ADAMTS17: variants seen among roughly 807,000 people sequenced by gnomAD.
ADAMTS17 encodes the protein A disintegrin and metalloproteinase with thrombospondin motifs 17.
Under a neutral mutation model 141.5 loss-of-function variants are expected in ADAMTS17, and 113 were observed. The ratio of observed to expected loss-of-function variants is 0.80; its 90% CI spans 0.69 to 0.93. The LOEUF is 0.93. Among genes scored for constraint, ADAMTS17 ranks in the 40% least tolerant of loss-of-function variants. The pLI is 0.00. For synonymous variants in ADAMTS17, 768 were observed against 630.6 expected (o/e 1.22, Z -3.27); for missense variants, 1,659 against 1,517.9 (o/e 1.09, Z -1.54).
intron 14 of ADAMTS17, among the ~76,000 whole-genome samples, chr15:100,097,951 C>A (rs1414150301): frequency 6.6e-6 from 1 of 152,070 alleles, no homozygotes; most frequent in African/African-American, 2.4e-5. Flanking sequence ...TGGACAGATT[C>A]CAGAGAAGAC....
At chr15:100,157,641 T>C (rs12913774) in intron 8 of ADAMTS17, among the ~76,000 whole-genome samples, 7,126 of 152,216 alleles carry the variant, frequency 0.047, 181 homozygotes, top group Middle Eastern at 0.071. Context: ...GGTAAAAATA[T>C]TTATTGAACG....
intron 4 of ADAMTS17, among the ~76,000 whole-genome samples, chr15:100,269,377 A>G (rs4965301): frequency 0.67 from 101,761 of 152,112 alleles, 34,505 homozygotes; most frequent in East Asian, 0.91. Flanking sequence ...TGTCATATGA[A>G]TAAGCTTCTT....
intron 3 of ADAMTS17, among the ~76,000 whole-genome samples, chr15:100,314,260 CA>C (rs1271672816): frequency 6.6e-6 from 1 of 152,100 alleles, no homozygotes; most frequent in Non-Finnish European, 1.5e-5. Flanking sequence ...GATTCTGTAC[CA>C]AGAAAAGAAA....
intron 2 of ADAMTS17, among the ~76,000 whole-genome samples, chr15:100,337,688 G>A (rs929847246): frequency 6.6e-6 from 1 of 152,232 alleles, no homozygotes; most frequent in Non-Finnish European, 1.5e-5. Flanking sequence ...TCCAAGAAAG[G>A]ATGGCCACTG....
At chr15:100,160,014 C>T (rs1417079440) in intron 8 of ADAMTS17, among the ~76,000 whole-genome samples, 2 of 152,026 alleles carry the variant, frequency 1.3e-5, no homozygotes, top group African/African-American at 4.8e-5. Context: ...GGTCACTGCC[C>T]CTCAAATACC....
rs58105548 is a variant in ADAMTS17, at chr15:100,265,684, T to C, written c.790-3249A>G. 5.7e-3 allele frequency among the ~76,000 whole-genome samples: 867 copies of C among 152,240 alleles called. 9 individuals carry two copies. The highest frequency in any genetic ancestry group is 0.024 in the Middle Eastern group (7 of 294). On this transcript the variant is annotated intron_variant, in intron 4 of 21. Transcript: ENST00000268070. ...TTCACAAGGGCACCACCTACCTGTGTGACCCAAGGCCTCCCCCCAGAGCCA... is the reference window on the plus strand; with the variant it reads ...TTCACAAGGGCACCACCTACCTGTGCGACCCAAGGCCTCCCCCCAGAGCCA...
intron 3 of ADAMTS17, among the ~76,000 whole-genome samples, chr15:100,321,316 C>G (rs1437633461): frequency 6.6e-6 from 1 of 152,020 alleles, no homozygotes; most frequent in African/African-American, 2.4e-5. Flanking sequence ...AAAGAAAAAG[C>G]ATGGTATAGT....
At chr15:100,313,464 G>T (rs2045465747) in intron 3 of ADAMTS17, among the ~76,000 whole-genome samples, 1 of 152,174 alleles carries the variant, frequency 6.6e-6, no homozygotes, top group South Asian at 2.1e-4. Flanking sequence ...TGGAAGATTT[G>T]ATACCCATGT....
chr15:100,212,331 G>A (rs138910490), intron 7 of ADAMTS17, among the ~76,000 whole-genome samples: 1 of 152,318 alleles, frequency 6.6e-6, no homozygotes, highest in African/African-American at 2.4e-5. Flanking sequence ...CTCACAGTCA[G>A]GCCCGTGCAT....
At chr15:100,103,573 T>TC (rs1300780583) in intron 14 of ADAMTS17, among the ~76,000 whole-genome samples, 1 of 108,400 alleles carries the variant, frequency 9.2e-6, no homozygotes, top group East Asian at 2.7e-4. Context: ...ATCCAGCCAC[T>TC]CTTTTTTTTT....
intron 20 of ADAMTS17, among the ~76,000 whole-genome samples, chr15:99,989,279 G>A (rs769403884): frequency 6.6e-6 from 1 of 152,188 alleles, no homozygotes; most frequent in Non-Finnish European, 1.5e-5. Flanking sequence ...GCAGTGCTAG[G>A]TGCCCCGACC....
chr15:100,155,133 A>G (rs1451523711), intron 9 of ADAMTS17, 47 bp downstream of exon 9: 2 of 1,613,628 alleles, frequency 1.2e-6, no homozygotes, highest in African/African-American at 1.3e-5. Context: ...TGTCTTTTGG[A>G]AGTACTTTTG....
intron 13 of ADAMTS17, among the ~76,000 whole-genome samples, chr15:100,111,194 C>T (rs767581255): frequency 2.6e-5 from 4 of 152,170 alleles, no homozygotes; most frequent in Non-Finnish European, 5.9e-5. Flanking sequence ...GGGGCACTTC[C>T]GGGGAAAGAC....
At chr15:100,025,417 T>TC (rs1426440491) in intron 18 of ADAMTS17, among the ~76,000 whole-genome samples, 3 of 149,856 alleles carry the variant, frequency 2.0e-5, no homozygotes, top group Non-Finnish European at 4.5e-5. Context: ...TTCTTTTCTT[T>TC]TTTTTTTTTT....
chr15:100,091,362 T>A (rs1001499971), intron 15 of ADAMTS17, among the ~76,000 whole-genome samples: 4 of 152,130 alleles, frequency 2.6e-5, no homozygotes, highest in Admixed American at 2.0e-4. Flanking sequence ...TTGGAGTGAT[T>A]TCCCATTCCA....
Position 100,325,981 on chromosome 15 carries a change from A to T in ADAMTS17, c.616+4908T>A, listed in dbSNP as rs139697919. Among the ~76,000 whole-genome samples the T allele has an allele frequency of 8.9e-3, 1,361 of 152,248 alleles. 72 individuals are homozygous for T. The highest frequency in any genetic ancestry group is 0.081 in the Admixed American group (1,244 of 15,304). ...TGGCCTCCAGAACTATGAATAATAA[A>T]TACCAACAAAACAATAAATTTCGGT... On this transcript the variant is annotated intron_variant, in intron 3 of 21. Coordinates refer to ENST00000268070, the MANE Select transcript of ADAMTS17 (RefSeq NM_139057.4).
At chr15:100,159,729 A>C (rs2039601456) in intron 8 of ADAMTS17, among the ~76,000 whole-genome samples, 1 of 152,218 alleles carries the variant, frequency 6.6e-6, no homozygotes. Flanking sequence ...ATGTCTCTTC[A>C]TAAGGGTCAC....
intron 1 of ADAMTS17, 140 bp downstream of exon 1, chr15:100,341,681 C>T: frequency 1.8e-6 from 2 of 1,133,670 alleles, no homozygotes; most frequent in Middle Eastern, 3.2e-4. Context: ...TCCCGTACTC[C>T]GGCCGCGGCC....
At chr15:100,330,629 G>T (rs535816100) in intron 3 of ADAMTS17, among the ~76,000 whole-genome samples, 1 of 152,262 alleles carries the variant, frequency 6.6e-6, no homozygotes, top group Admixed American at 6.5e-5. Context: ...ACCTCAACTT[G>T]CTCTTGATAT....
Sources: allele counts gnomAD v4.1 joint callset (sites outside exome capture counted in the v4.1 genomes callset), GRCh38; gene constraint gnomAD v4.1.1; transcripts MANE v1.5; gene names NCBI Gene and HGNC (gene_info 2026-07-23, HGNC 2026-07-21).